TUSC3: variants seen among roughly 807,000 people sequenced by gnomAD.
TUSC3 encodes the protein dolichyl-diphosphooligosaccharide--protein glycosyltransferase subunit TUSC3.
A neutral mutation model predicts 44.8 loss-of-function variants in TUSC3; 45 were observed. That is an observed-to-expected ratio of 1.00 (90% confidence interval 0.79 to 1.29). The LOEUF (loss-of-function observed/expected upper bound fraction) is 1.29, where lower values mean the gene tolerates loss of function less well. Ranked by LOEUF, TUSC3 falls within the 50% of genes most tolerant of loss-of-function variation. The pLI, the probability that TUSC3 is intolerant of heterozygous loss-of-function variation, is 0.00. For missense variants in TUSC3, 519 were observed against 437.9 expected (o/e 1.19, Z -1.65); for synonymous variants, 212 against 152.9 (o/e 1.39, Z -2.85).
At chr8:15,488,266 G>T (rs1382954792) in intron 2 of TUSC3, among the ~76,000 whole-genome samples, 1 of 151,210 alleles carries the variant, frequency 6.6e-6, no homozygotes, top group Non-Finnish European at 1.5e-5. Flanking sequence ...AGCAATTTGG[G>T]AATCCAAATT....
chr8:15,673,458 T>A lies in TUSC3; in HGVS notation c.709-289T>A, dbSNP rs146025779. 3.6e-3 allele frequency among the ~76,000 whole-genome samples: 552 copies of A among 152,160 alleles called. 6 individuals carry two copies. The highest frequency in any genetic ancestry group is 0.036 in the South Asian group (172 of 4,816). On this transcript the variant is annotated intron_variant, in intron 5 of 10. Transcript: ENST00000503731. Reference sequence around the variant, plus strand: ...GACTGGCTCAGGTGAGCACATAGTATCAGATTGCCTGTCACCAGGCCAGAT... The same window carrying A: ...GACTGGCTCAGGTGAGCACATAGTAACAGATTGCCTGTCACCAGGCCAGAT...
chr8:15,784,550 A>T, the TUSC3 span, among the ~76,000 whole-genome samples: 60 of 151,828 alleles, frequency 4.0e-4, no homozygotes, highest in South Asian at 1.2e-3. Flanking sequence ...GTGTGTATGC[A>T]CACACACACA....
chr8:15,811,458 T>C, the TUSC3 span, among the ~76,000 whole-genome samples: 1 of 152,198 alleles, frequency 6.6e-6, no homozygotes, highest in Non-Finnish European at 1.5e-5. Context: ...TTGCCACCTT[T>C]TCTGCCGACA....
upstream of TUSC3, among the ~76,000 whole-genome samples, chr8:15,535,815 G>A (rs974042385): frequency 2.6e-5 from 4 of 152,116 alleles, no homozygotes; most frequent in African/African-American, 9.7e-5. Context: ...GGGAAACTAG[G>A]AGATGACGTG....
chr8:15,466,308 T>G (rs1323413578), intron 1 of TUSC3, among the ~76,000 whole-genome samples: 1 of 152,198 alleles, frequency 6.6e-6, no homozygotes, highest in East Asian at 1.9e-4. Flanking sequence ...TGAATTTCTT[T>G]GGCACTGAAG....
intron 1 of TUSC3, among the ~76,000 whole-genome samples, chr8:15,600,280 T>G (rs1804232035): frequency 6.6e-6 from 1 of 151,864 alleles, no homozygotes; most frequent in African/African-American, 2.4e-5. Flanking sequence ...GACAGCAAGA[T>G]AAAATAATGT....
chr8:15,669,661 G>C (rs1158492816), intron 5 of TUSC3, among the ~76,000 whole-genome samples: 2 of 151,706 alleles, frequency 1.3e-5, no homozygotes, highest in Non-Finnish European at 2.9e-5. Context: ...AATAGGTTCA[G>C]TGTTTATGTG....
At chr8:15,519,428 C>A (rs1225543688) in intron 2 of TUSC3, among the ~76,000 whole-genome samples, 1 of 152,038 alleles carries the variant, frequency 6.6e-6, no homozygotes, top group Non-Finnish European at 1.5e-5. Flanking sequence ...CAGATTAAGT[C>A]AGGGGTCCTC....
chr8:15,567,375 A>T (rs1332919109), intron 1 of TUSC3, among the ~76,000 whole-genome samples: 2 of 152,270 alleles, frequency 1.3e-5, no homozygotes, highest in East Asian at 3.9e-4. Context: ...TTTCTCATCA[A>T]ATATTAGCAT....
intron 5 of TUSC3, among the ~76,000 whole-genome samples, chr8:15,670,691 A>T (rs1807909172): frequency 6.6e-6 from 1 of 151,870 alleles, no homozygotes; most frequent in South Asian, 2.1e-4. Context: ...GATAAACTGA[A>T]CTACATTAAA....
rs567764110 is a variant in TUSC3, at chr8:15,619,671, T to G, written c.139-3409T>G. Among the ~76,000 whole-genome samples, 17 of 152,172 alleles carry G rather than the reference T, an allele frequency of 1.1e-4. 1 individual carries two copies. The South Asian group carries it at 2.7e-3, about 24-fold the overall frequency. The stretch of plus-strand genomic sequence containing the variant: ...CACGCCTGGCTAATTTTTTGTATTT[T>G]TTTGTTTGTTTGTTTGTTTTAGTAG... On this transcript the variant is annotated intron_variant, in intron 1 of 10. Coordinates refer to ENST00000503731, the MANE Select transcript of TUSC3 (RefSeq NM_006765.4).
At chr8:15,722,658 TTGCTTGGGTGCA>T (rs1256167946) in intron 6 of TUSC3, among the ~76,000 whole-genome samples, 1 of 152,114 alleles carries the variant, frequency 6.6e-6, no homozygotes, top group Admixed American at 6.6e-5. Context: ...GAATCTTCTG[TTGCTTGGGTGCA>T]ACTTGCCACA....
chr8:15,642,495 A>G (rs1448467928), intron 2 of TUSC3, among the ~76,000 whole-genome samples: 2 of 152,312 alleles, frequency 1.3e-5, no homozygotes, highest in East Asian at 3.9e-4. Context: ...GAAAAGACAT[A>G]ATCTCCATCT....
At chr8:15,692,209 C>G (rs1808931175) in intron 6 of TUSC3, among the ~76,000 whole-genome samples, 3 of 152,120 alleles carry the variant, frequency 2.0e-5, no homozygotes, top group Non-Finnish European at 2.9e-5. Context: ...TGATGTACTG[C>G]TGGATTTAGT....
chr8:15,709,228 G>T (rs1019811635), intron 6 of TUSC3, among the ~76,000 whole-genome samples: 5 of 151,810 alleles, frequency 3.3e-5, no homozygotes, highest in African/African-American at 1.2e-4. Context: ...CAAATAATTA[G>T]TTACTGTTGG....
chr8:15,758,256 T>C, intron 10 of TUSC3: 1 of 985,188 alleles, frequency 1.0e-6, no homozygotes, highest in Non-Finnish European at 1.2e-6. Flanking sequence ...TCAAGGGTAA[T>C]AAAAAATACA....
At chr8:15,598,345 A>C (rs1273380065) in intron 1 of TUSC3, among the ~76,000 whole-genome samples, 2 of 151,956 alleles carry the variant, frequency 1.3e-5, no homozygotes, top group African/African-American at 4.8e-5. Flanking sequence ...CAAAGTTGAG[A>C]GGAAAGTACA....
At chr8:15,753,580 G>A (rs960439175) in intron 9 of TUSC3, among the ~76,000 whole-genome samples, 1 of 152,006 alleles carries the variant, frequency 6.6e-6, no homozygotes, top group Non-Finnish European at 1.5e-5. Context: ...ACATGTATAT[G>A]TGCTAAAGTT....
chr8:15,444,335 G>C (rs1005082636), intron 1 of TUSC3, among the ~76,000 whole-genome samples: 3 of 152,142 alleles, frequency 2.0e-5, no homozygotes, highest in African/African-American at 7.2e-5. Context: ...ATGAGCTTTT[G>C]CAGTAGGGGT....
Sources: allele counts gnomAD v4.1 joint callset (sites outside exome capture counted in the v4.1 genomes callset), GRCh38; gene constraint gnomAD v4.1.1; transcripts MANE v1.5; gene names NCBI Gene and HGNC (gene_info 2026-07-23, HGNC 2026-07-21).